Variants in PHKB observed in about 807,000 individuals in gnomAD.
PHKB encodes phosphorylase b kinase regulatory subunit beta.
A neutral mutation model predicts 152.1 loss-of-function variants in PHKB; 122 were observed. That is an observed-to-expected ratio of 0.80 (90% CI 0.69 to 0.93). The LOEUF (loss-of-function observed/expected upper bound fraction) is 0.93. Ranked by LOEUF, PHKB falls within the 40% of genes least tolerant of loss-of-function variation. The pLI is 0.00. For missense variants in PHKB, 1,304 were observed against 1,328.4 expected, an observed-to-expected ratio of 0.98 and a Z score of 0.29; for synonymous variants, 436 against 464.9, an observed-to-expected ratio of 0.94 and a Z score of 0.80.
chr16:47,633,504 G>A (rs185817032), intron 14 of PHKB, among the ~76,000 whole-genome samples: 11 of 152,220 alleles, frequency 7.2e-5, no homozygotes, highest in African/African-American at 2.4e-4. Flanking sequence ...TCCAAGACTC[G>A]TGCCAAGTGT....
At chr16:47,631,590 T>C (rs1032232149) in intron 14 of PHKB, among the ~76,000 whole-genome samples, 1 of 152,174 alleles carries the variant, frequency 6.6e-6, no homozygotes, top group Non-Finnish European at 1.5e-5. Context: ...CAACCCGTCA[T>C]CTACATTAGG....
chr16:47,562,965 A>G (rs565620940), intron 7 of PHKB, among the ~76,000 whole-genome samples: 1 of 152,222 alleles, frequency 6.6e-6, no homozygotes, highest in South Asian at 2.1e-4. Flanking sequence ...ATTTCATCTC[A>G]AGAACCACTT....
chr16:47,661,754 G>A lies in PHKB; in HGVS notation c.2232G>A (p.Leu744=). The A allele has an allele frequency of 1.2e-6, 2 of 1,613,470 alleles. No homozygotes were observed. Among genetic ancestry groups the A allele is most frequent in the South Asian group, 2.2e-5 (2 of 91,068 alleles). Residue 744 remains leucine (L), a synonymous_variant, in exon 23 of 31, where the codon CTG becomes CTA. Coordinates refer to ENST00000323584, the MANE Select transcript of PHKB (RefSeq NM_000293.3). ...GTCTGGCTAGCCAAGCCATCCTGCT[G>A]GGTATACTGCTCAAAAGAGAAGGCC... ...CSCLASQAIL[L]GILLKREGPN...
At chr16:47,555,652 A>G (rs1329790630) in intron 7 of PHKB, among the ~76,000 whole-genome samples, 1 of 152,252 alleles carries the variant, frequency 6.6e-6, no homozygotes, top group Non-Finnish European at 1.5e-5. Context: ...AGTGTCTTGT[A>G]CCATTAAAAT....
intron 2 of PHKB, 30 bp downstream of exon 2, chr16:47,497,518 T>C: frequency 7.9e-7 from 1 of 1,267,750 alleles, no homozygotes; most frequent in Non-Finnish European, 1.2e-6. Context: ...AACGTGTCCT[T>C]AGGTATCTGC....
intron 7 of PHKB, among the ~76,000 whole-genome samples, chr16:47,571,903 G>A (rs1459279174): frequency 6.6e-6 from 1 of 152,128 alleles, no homozygotes. Flanking sequence ...TTCCCTTTGT[G>A]TGGTGCACTC....
intron 14 of PHKB, among the ~76,000 whole-genome samples, chr16:47,638,939 A>T (rs1474671420): frequency 6.6e-6 from 1 of 152,218 alleles, no homozygotes; most frequent in East Asian, 1.9e-4. Context: ...ATTAGTTACT[A>T]TTAGGAAATT....
Position 47,561,755 on chromosome 16 carries a change from T to C in PHKB, c.710+14207T>C, listed in dbSNP as rs536574968. On this transcript the variant is annotated intron_variant, in intron 7 of 30. Transcript: ENST00000323584. ...GATGAATACACCAAGCCATTCATCA[T>C]AGAGACTGGATGAAAATATACTTCC... 3 of 152,344 alleles carry C rather than the reference T, an allele frequency of 2.0e-5. No individual in the cohort carries two copies. In the South Asian group the frequency reaches 6.2e-4, roughly 32 times the overall value. The allele number at this position is 152,344 out of a possible 1,614,324, so 9.4% of individuals were successfully genotyped here.
chr16:47,542,984 T>TCC (rs1971089103), intron 6 of PHKB, among the ~76,000 whole-genome samples: 1 of 152,122 alleles, frequency 6.6e-6, no homozygotes, highest in African/African-American at 2.4e-5. Context: ...TAATTGTATA[T>TCC]CCTTTATTTC....
rs746396057 is a variant in PHKB, at chr16:47,525,162, G to A, written c.594+9561G>A. ...ATGAAAGTTCTTTAGTATTGCATAC[G>A]GTTCACTTGTCACCTGCAGGAGAGG... is the stretch of plus-strand genomic sequence containing the variant. On this transcript the variant is annotated intron_variant, in intron 6 of 30. Coordinates refer to ENST00000323584, the MANE Select transcript of PHKB (RefSeq NM_000293.3). 2.6e-5 allele frequency among the ~76,000 whole-genome samples: 4 copies of A among 152,096 alleles called. No individual in the cohort carries two copies. The South Asian group carries it at 6.2e-4, about 24-fold the overall frequency.
intron 13 of PHKB, among the ~76,000 whole-genome samples, chr16:47,602,399 T>G (rs961576439): frequency 3.9e-5 from 6 of 152,294 alleles, no homozygotes; most frequent in Admixed American, 2.6e-4. Context: ...AAGTGATTGT[T>G]TGGAAGCCAA....
chr16:47,665,040 G>A (rs569738551), intron 25 of PHKB, 65 bp downstream of exon 25: 3 of 987,844 alleles, frequency 3.0e-6, no homozygotes, highest in African/African-American at 3.2e-5. Context: ...GCACTCTGAA[G>A]GTTAAATATG....
chr16:47,515,565 T>A lies in PHKB; in HGVS notation c.558T>A (p.Ile186=), dbSNP rs1242471559. ...SLYLLYLVEM[I]SSGLQIIYNT... is the part of the protein sequence containing the mutation. Reference sequence around the variant, plus strand: ...ATCTCCTTTACCTTGTGGAAATGATTTCCTCAGGACTCCAGATTATCTACA... The same window carrying A: ...ATCTCCTTTACCTTGTGGAAATGATATCCTCAGGACTCCAGATTATCTACA... Residue 186 remains isoleucine, a synonymous_variant, in exon 6 of 31, where the codon ATT becomes ATA. Transcript: ENST00000323584. 1 of 1,505,224 alleles carries A rather than the reference T, an allele frequency of 6.6e-7. No homozygotes were observed. The allele number at this position is 1,505,224 out of a possible 1,614,324, so 93.2% of individuals were successfully genotyped here. A position where few individuals can be genotyped will look rare whatever the true frequency, so the allele number is the denominator to read the frequency against.
At chr16:47,691,519 A>G (rs1196911086) in intron 27 of PHKB, among the ~76,000 whole-genome samples, 1 of 152,192 alleles carries the variant, frequency 6.6e-6, no homozygotes, top group Non-Finnish European at 1.5e-5. Context: ...AGGCTGGGCA[A>G]CATGGCAAGA....
chr16:47,551,192 G>T (rs1180802274), intron 7 of PHKB, among the ~76,000 whole-genome samples: 1 of 151,956 alleles, frequency 6.6e-6, no homozygotes, highest in African/African-American at 2.4e-5. Flanking sequence ...TTTTTGAAGG[G>T]TTTTTTGTGT....
At chr16:47,482,251 TC>T (rs1405349683) in intron 1 of PHKB, among the ~76,000 whole-genome samples, 1 of 152,242 alleles carries the variant, frequency 6.6e-6, no homozygotes, top group Non-Finnish European at 1.5e-5. Context: ...TGCCATCTCT[TC>T]CTTGTTTCAC....
intron 11 of PHKB, among the ~76,000 whole-genome samples, 188 bp from the exon 12 acceptor site, chr16:47,593,949 G>A (rs1022270248): frequency 2.0e-5 from 3 of 152,226 alleles, no homozygotes; most frequent in African/African-American, 7.2e-5. Flanking sequence ...ATGCTAACAT[G>A]ACTTTCTAAA....
At chr16:47,533,834 C>T (rs1970905040) in intron 6 of PHKB, among the ~76,000 whole-genome samples, 1 of 152,068 alleles carries the variant, frequency 6.6e-6, no homozygotes, top group South Asian at 2.1e-4. Flanking sequence ...TCTTGGCACC[C>T]CCAAGAGCAC....
chr16:47,686,953 A>G (rs1444382781), intron 26 of PHKB, among the ~76,000 whole-genome samples: 2 of 152,174 alleles, frequency 1.3e-5, no homozygotes, highest in Non-Finnish European at 2.9e-5. Flanking sequence ...TATCCCCGAA[A>G]TGACTTTTTA....
Sources: gnomAD v4.1 joint callset for allele counts (sites outside exome capture counted in the v4.1 genomes callset) on GRCh38, gnomAD v4.1.1 for gene constraint, MANE v1.5 for transcripts, NCBI Gene and HGNC (gene_info 2026-07-23, HGNC 2026-07-21) for gene names.